The following SLC45A3 variants were observed in gnomAD, a reference collection of about 807,000 sequenced individuals.
The protein encoded by SLC45A3 is prostate cancer associated protein 2.
Under a neutral mutation model 35.3 loss-of-function variants are expected in SLC45A3, and 17 were observed. The ratio of observed to expected loss-of-function variants is 0.48; its 90% CI spans 0.33 to 0.72. The LOEUF (loss-of-function observed/expected upper bound fraction) is 0.72. Ranked by LOEUF, SLC45A3 falls within the 30% of genes least tolerant of loss-of-function variation. The probability of loss-of-function intolerance (pLI) is 0.02; values close to 1 mark genes in which losing one functional copy is unlikely to be tolerated. For synonymous variants in SLC45A3, 288 were observed against 334.3 expected (o/e 0.86, Z 1.51); for missense variants, 597 against 731.7 (o/e 0.82, Z 2.12).
chr1:205,672,040 T>G (rs1174492872), intron 1 of SLC45A3, among the ~76,000 whole-genome samples: 2 of 152,142 alleles, frequency 1.3e-5, no homozygotes, highest in East Asian at 3.9e-4. Context: ...AAACTTAGAT[T>G]AATACCACCA....
At chr1:205,674,180 T>G (rs1245761567) in intron 1 of SLC45A3, among the ~76,000 whole-genome samples, 1 of 136,148 alleles carries the variant, frequency 7.3e-6, no homozygotes, top group Non-Finnish European at 1.5e-5. Flanking sequence ...CCTTGAAGGA[T>G]AAGCAGGTAG....
At chr1:205,660,653 G>C (rs1470804244) in intron 4 of SLC45A3, among the ~76,000 whole-genome samples, 1 of 152,174 alleles carries the variant, frequency 6.6e-6, no homozygotes, top group African/African-American at 2.4e-5. Flanking sequence ...GCCACCCCAG[G>C]AATGTCCGCT....
rs536489326 is a variant in SLC45A3 at position 205,664,870 on chromosome 1, G to A, written c.-214C>T. ...CTGTGGGGCACCTCAGTGGGGACAC[G>A]TCTCATCACTCAGATCCTAGAAGGG... On this transcript the variant is annotated 5_prime_UTR_variant, in exon 2 of 5. It adds an upstream start codon to the 5' untranslated region. Transcript: ENST00000367145. The surrounding 1 kb of genome is among the most constrained non-coding windows in gnomAD (Gnocchi z 5.3). 72 of 1,402,798 alleles carry A rather than the reference G, an allele frequency of 5.1e-5. 1 individual carries two copies. The highest frequency in any genetic ancestry group is 3.3e-4 in the South Asian group (20 of 60,768). 86.9% of individuals were successfully genotyped at this position (1,402,798 alleles called of 1,614,324 possible). A position where few individuals can be genotyped will look rare whatever the true frequency, so the allele number is the denominator to read the frequency against.
intron 1 of SLC45A3, among the ~76,000 whole-genome samples, chr1:205,675,730 G>A (rs186416286): frequency 5.3e-5 from 8 of 152,046 alleles, no homozygotes; most frequent in Non-Finnish European, 8.8e-5. Flanking sequence ...GGTGGTCACC[G>A]TGCTCCAGTT....
chr1:205,663,641 A>G (rs768873215), intron 2 of SLC45A3, 23 bp from the exon 3 acceptor site: 20 of 1,535,828 alleles, frequency 1.3e-5, no homozygotes, highest in Non-Finnish European at 1.7e-5. Context: ...AAGTAGTATG[A>G]GTCAATGGCT....
chr1:205,661,731 A>G (rs1671027432), intron 4 of SLC45A3, 130 bp downstream of exon 4: 1 of 1,347,444 alleles, frequency 7.4e-7, no homozygotes, highest in Admixed American at 2.5e-5. Context: ...GGGCTAGGAT[A>G]AGCTTCTTCT....
intron 1 of SLC45A3, among the ~76,000 whole-genome samples, chr1:205,670,138 T>C (rs1349546279): frequency 6.6e-6 from 1 of 152,082 alleles, no homozygotes; most frequent in East Asian, 1.9e-4. Context: ...CACGGGAGCC[T>C]TGGGGACACC....
rs1671046254 is a variant in SLC45A3, at chr1:205,662,558, C to T, written c.958+275G>A. On this transcript the variant is annotated intron_variant, in intron 3 of 4. Coordinates refer to ENST00000367145, the MANE Select transcript of SLC45A3 (RefSeq NM_033102.3). The surrounding 1 kb of genome is among the most constrained non-coding windows in gnomAD (Gnocchi z 6.2). Reference sequence around the variant, plus strand: ...CTGAAATCCAGCCTTAACTCCTCCACTCCCTCTAGACTTTGAATAAGCTCC... The same window carrying T: ...CTGAAATCCAGCCTTAACTCCTCCATTCCCTCTAGACTTTGAATAAGCTCC... 7.6e-7 allele frequency: 1 copy of T among 1,315,334 alleles called. No homozygotes were observed. The highest frequency in any genetic ancestry group is 1.5e-5 in the African/African-American group (1 of 67,350). The allele number at this position is 1,315,334 out of a possible 1,614,324, so 81.5% of individuals were successfully genotyped here.
Position 205,658,314 on chromosome 1 carries a change from C to T in SLC45A3, c.*920G>A. The T allele has an allele frequency of 4.3e-6, 1 of 232,704 alleles. No individual in the cohort carries two copies. The highest frequency in any genetic ancestry group is 6.0e-5 in the East Asian group (1 of 16,546). 14.4% of individuals were successfully genotyped at this position (232,704 alleles called of 1,614,324 possible). ...CCGTTGAGACCTGAAGCCCCACCCT[C>T]TACCTTCCTTCAACACCCTAACCTT... On this transcript the variant is annotated 3_prime_UTR_variant, in exon 5 of 5. Coordinates refer to ENST00000367145, the MANE Select transcript of SLC45A3 (RefSeq NM_033102.3).
intron 1 of SLC45A3, among the ~76,000 whole-genome samples, chr1:205,670,872 AG>A (rs1240932798): frequency 6.6e-6 from 1 of 152,116 alleles, no homozygotes; most frequent in Non-Finnish European, 1.5e-5. Flanking sequence ...CCCAGGCCCT[AG>A]GGGGGCAGAG....
Position 205,662,231 on chromosome 1 carries a change from G to A in SLC45A3, c.959-105C>T. 6.8e-7 allele frequency: 1 copy of A among 1,474,340 alleles called. No individual in the cohort carries two copies. The highest frequency in any genetic ancestry group is 9.0e-7 in the Non-Finnish European group (1 of 1,111,842). 91.3% of individuals were successfully genotyped at this position (1,474,340 alleles called of 1,614,324 possible). A position where few individuals can be genotyped will look rare whatever the true frequency, so the allele number is the denominator to read the frequency against. On this transcript the variant is annotated intron_variant, in intron 3 of 4. Transcript: ENST00000367145. This position sits in a 1 kb window ranked among gnomAD's most constrained non-coding sequence, Gnocchi z 6.2. ...CACAGGTACCTGCTGCACGAGACCT[G>A]CTGTGGACCAGCCCTGCTCCCCAGC...
Position 205,659,225 on chromosome 1 carries a change from G to A in SLC45A3, c.*9C>T. 2.5e-6 allele frequency: 4 copies of A among 1,597,552 alleles called. No homozygotes were observed. The highest frequency in any genetic ancestry group is 3.4e-6 in the Non-Finnish European group (4 of 1,170,292). On this transcript the variant is annotated 3_prime_UTR_variant, in exon 5 of 5. Transcript: ENST00000367145. This position sits in a 1 kb window ranked among gnomAD's most constrained non-coding sequence, Gnocchi z 5.8. ...GGCAGGCCCTCCACCCCAATGTGCT[G>A]GAAGTTTTCTACGCTGAGTATTTGG...
Position 205,664,776 on chromosome 1 carries a change from G to C in SLC45A3, c.-120C>G. On this transcript the variant is annotated 5_prime_UTR_variant, in exon 2 of 5. Transcript: ENST00000367145. This position sits in a 1 kb window ranked among gnomAD's most constrained non-coding sequence, Gnocchi z 5.3. The stretch of plus-strand genomic sequence containing the variant: ...GCTGCCGCCAACTGCCTAGGAATCA[G>C]CCAGGCGCCCATTTCTGCCAGCCCT... The C allele has an allele frequency of 1.4e-6, 2 of 1,459,860 alleles. No homozygotes were observed. The highest frequency in any genetic ancestry group is 1.8e-6 in the Non-Finnish European group (2 of 1,111,340). The allele number at this position is 1,459,860 out of a possible 1,614,324, so 90.4% of individuals were successfully genotyped here. A position where few individuals can be genotyped will look rare whatever the true frequency, so the allele number is the denominator to read the frequency against.
chr1:205,677,811 T>C (rs888620913), intron 1 of SLC45A3, among the ~76,000 whole-genome samples: 1 of 152,234 alleles, frequency 6.6e-6, no homozygotes, highest in East Asian at 1.9e-4. Context: ...CAGTTTAGTA[T>C]TCTATATACA....
chr1:205,661,416 A>G (rs1671019855), intron 4 of SLC45A3, among the ~76,000 whole-genome samples: 1 of 152,204 alleles, frequency 6.6e-6, no homozygotes, highest in African/African-American at 2.4e-5. Context: ...CTCAGAGACC[A>G]GAGTAGGATA....
chr1:205,660,178 C>T (rs1670994335), intron 4 of SLC45A3, among the ~76,000 whole-genome samples: 1 of 152,086 alleles, frequency 6.6e-6, no homozygotes, highest in Non-Finnish European at 1.5e-5. Context: ...TCTCTGGGGT[C>T]CCAGATGCCA....
rs111260347 is a variant in SLC45A3 at position 205,674,785 on chromosome 1, A to T, written c.-231+5609T>A. The stretch of plus-strand genomic sequence containing the variant: ...AGGCTGGTGTGCAGTGCACGATCTC[A>T]GCTCACTGCAACCTCTGCCTCCCGG... On this transcript the variant is annotated intron_variant, in intron 1 of 4. Coordinates refer to ENST00000367145, the MANE Select transcript of SLC45A3 (RefSeq NM_033102.3). Among the ~76,000 whole-genome samples the T allele has an allele frequency of 5.4e-3, 812 of 151,126 alleles. 7 individuals are homozygous for T. Among genetic ancestry groups the T allele is most frequent in the African/African-American group, 0.019 (780 of 41,262 alleles).
At chr1:205,679,835 G>T (rs1021646145) in intron 1 of SLC45A3, among the ~76,000 whole-genome samples, 1 of 151,956 alleles carries the variant, frequency 6.6e-6, no homozygotes, top group African/African-American at 2.4e-5. Flanking sequence ...AGCCGGCCTG[G>T]GCCTGAGCAC....
At chr1:205,678,562 C>T (rs1360897559) in intron 1 of SLC45A3, among the ~76,000 whole-genome samples, 2 of 152,148 alleles carry the variant, frequency 1.3e-5, no homozygotes, top group Non-Finnish European at 2.9e-5. Context: ...CTGTCTACTC[C>T]TCCTCCTCCT....
Sources: gnomAD v4.1 joint callset for allele counts (sites outside exome capture counted in the v4.1 genomes callset) on GRCh38, gnomAD v4.1.1 for gene constraint, Gnocchi (gnomAD v3.1) non-coding constraint, MANE v1.5 for transcripts, NCBI Gene and HGNC (gene_info 2026-07-23, HGNC 2026-07-21) for gene names.